FREM1: variants seen among roughly 807,000 people sequenced by gnomAD.
FREM1 encodes FRAS1-related extracellular matrix protein 1.
In FREM1, 220 loss-of-function variants were observed where a neutral mutation model predicts 210.1. The observed-to-expected ratio is 1.05, with a 90% CI of 0.94 to 1.17. The LOEUF is 1.17. Among genes scored for constraint, FREM1 ranks in the 50% most tolerant of loss-of-function variants. The pLI, the probability that FREM1 is intolerant of heterozygous loss-of-function variation, is 0.00. For synonymous variants in FREM1, 1,189 were observed against 980.2 expected, an observed-to-expected ratio of 1.21 and a Z score of -3.98; for missense variants, 3,454 against 2,675.5, an observed-to-expected ratio of 1.29 and a Z score of -6.42.
At chr9:14,904,066 G>A (rs953795267) in intron 1 of FREM1, among the ~76,000 whole-genome samples, 2 of 143,768 alleles carry the variant, frequency 1.4e-5, no homozygotes, top group Admixed American at 7.2e-5. Flanking sequence ...AGCTTGCAGT[G>A]AGCCAAGATC....
intron 36 of FREM1, among the ~76,000 whole-genome samples, chr9:14,739,433 A>G (rs1841034750): frequency 7.9e-6 from 1 of 126,940 alleles, no homozygotes; most frequent in African/African-American, 3.1e-5. Context: ...GAGGTAAGTC[A>G]TTTCTAATTA....
At chr9:14,893,447 G>A (rs902632876) in intron 1 of FREM1, among the ~76,000 whole-genome samples, 8 of 152,170 alleles carry the variant, frequency 5.3e-5, no homozygotes, top group African/African-American at 9.7e-5. Flanking sequence ...TTGTAACCAT[G>A]TGGCCCTGCT....
chr9:14,803,690 C>T (rs992696442), intron 19 of FREM1, among the ~76,000 whole-genome samples: 2 of 152,006 alleles, frequency 1.3e-5, no homozygotes, highest in African/African-American at 4.8e-5. Flanking sequence ...TTCATTTCAC[C>T]CTCTCTTACT....
chr9:14,759,827 G>T lies in FREM1; in HGVS notation c.5279C>A (p.Pro1760His). ...YEVCENVGLL[P>H]LEIIRRGYSM... is the part of the protein sequence containing the mutation. ...ATATCCCCTTCTGATAATTTCCAAG[G>T]GCAACAAACCCACATTCTCACAGAC... Residue 1760 changes from proline (P) to histidine (H), a missense_variant, in exon 28 of 37, where the codon CCC (proline) becomes CAC (histidine). By Grantham distance (77) the Pro-to-His change is moderately conservative. Transcript: ENST00000380880. 2 of 1,612,634 alleles carry T rather than the reference G, an allele frequency of 1.2e-6. No individual in the cohort carries two copies. Among genetic ancestry groups the T allele is most frequent in the Non-Finnish European group, 1.7e-6 (2 of 1,179,144 alleles).
In FREM1 at chr9:14,863,864, C is replaced by A; in HGVS notation, c.274G>T (p.Val92Phe). ...CHFLPNEVKY[V>F]HNGCPILDED... ...TCAAGAATTGGACAACCATTGTGAA[C>A]ATACTTGACTTCGTTGGGAAGGAAA... The change falls in exon 3 of 37, where the codon GTT becomes TTT. Residue 92 changes from valine to phenylalanine, a missense_variant. Transcript: ENST00000380880. 2 of 1,613,382 alleles carry A rather than the reference C, an allele frequency of 1.2e-6. No homozygotes were observed. Among genetic ancestry groups the A allele is most frequent in the Non-Finnish European group, 8.5e-7 (1 of 1,179,372 alleles).
At chr9:14,851,658 A>G in intron 5 of FREM1, 51 bp from the exon 6 acceptor site, 1 of 1,334,880 alleles carries the variant, frequency 7.5e-7, no homozygotes, top group Admixed American at 1.7e-5. Flanking sequence ...GAATGAGGTG[A>G]TATCATACAG....
In FREM1 at chr9:14,868,942, C is replaced by A. The variant is rs774235699; in HGVS notation, c.36G>T (p.Val12=). The part of the protein sequence containing the change: ...NSLSWGAANA[V]LLLLLLAWAS... Reference sequence around the variant, plus strand: ...CCCAGGCCAGGAGGAGCAGCAGCAGCACGGCATTCGCAGCCCCCCAACTCA... The same window carrying A: ...CCCAGGCCAGGAGGAGCAGCAGCAGAACGGCATTCGCAGCCCCCCAACTCA... The change falls in exon 2 of 37, where the codon GTG becomes GTT. Residue 12 remains valine, a synonymous_variant. Coordinates refer to ENST00000380880, the MANE Select transcript of FREM1 (RefSeq NM_001379081.2). 6.3e-7 allele frequency: 1 copy of A among 1,597,228 alleles called. No homozygotes were observed. Among genetic ancestry groups the A allele is most frequent in the Non-Finnish European group, 8.5e-7 (1 of 1,173,576 alleles).
intron 24 of FREM1, among the ~76,000 whole-genome samples, chr9:14,777,252 C>T (rs949079276): frequency 6.6e-6 from 1 of 152,172 alleles, no homozygotes; most frequent in Non-Finnish European, 1.5e-5. Context: ...TCACATTCTA[C>T]CTACTGAAGC....
chr9:14,882,434 C>T (rs778313907), intron 1 of FREM1, among the ~76,000 whole-genome samples: 3 of 150,800 alleles, frequency 2.0e-5, no homozygotes, highest in Non-Finnish European at 4.4e-5. Flanking sequence ...ATTCTAATCC[C>T]GATTATTATT....
chr9:14,845,867 C>G, intron 8 of FREM1, 93 bp downstream of exon 8: 7 of 1,279,506 alleles, frequency 5.5e-6, no homozygotes, highest in Non-Finnish European at 7.7e-6. Flanking sequence ...AGAAATTGGG[C>G]CCAAGAGATG....
At position 14,819,322 on chromosome 9, in the gene FREM1, G is replaced by A. The variant is rs753249073; in HGVS notation, c.2458C>T (p.Pro820Ser). The change falls in exon 14 of 37, where the codon CCT becomes TCT. Residue 820 changes from proline to serine, a missense_variant. Pro to Ser is a moderately conservative substitution (Grantham distance 74). Coordinates refer to ENST00000380880, the MANE Select transcript of FREM1 (RefSeq NM_001379081.2). Reference protein sequence around the residue: ...DNIDLSLRELPLHGRVELNGF... With the variant: ...DNIDLSLRELSLHGRVELNGF... ...TTCAGCTCCACCCTTCCGTGCAGAGGCAATTCCCGCAGGGAGAGGTCAATA... is the reference window on the plus strand; with the variant it reads ...TTCAGCTCCACCCTTCCGTGCAGAGACAATTCCCGCAGGGAGAGGTCAATA... 3 of 1,613,820 alleles carry A rather than the reference G, an allele frequency of 1.9e-6. No individual in the cohort carries two copies. The highest frequency in any genetic ancestry group is 2.5e-6 in the Non-Finnish European group (3 of 1,179,750).
In FREM1 at chr9:14,846,025, TC is replaced by T; in HGVS notation, c.1327del (p.Asp443ThrfsTer8). 1.2e-6 allele frequency: 2 copies of T among 1,611,480 alleles called. No homozygotes were observed. Among genetic ancestry groups the T allele is most frequent in the Non-Finnish European group, 1.7e-6 (2 of 1,178,622 alleles). On this transcript the variant is annotated frameshift_variant, in exon 8 of 37. Coordinates refer to ENST00000380880, the MANE Select transcript of FREM1 (RefSeq NM_001379081.2). LOFTEE classifies it high-confidence loss of function. ...TWEQFQVVDN[D>X]DIGAVRLVTV... ...GACTAGCCGGACAGCACCAATGTCGTCATTGTCGACAACCTGAAACTGTTCC... is the reference window on the plus strand; with the variant it reads ...GACTAGCCGGACAGCACCAATGTCGTATTGTCGACAACCTGAAACTGTTCC...
At chr9:14,825,130 G>A in intron 10 of FREM1, 138 bp from the exon 11 acceptor site, 3 of 593,018 alleles carry the variant, frequency 5.1e-6, no homozygotes, top group Non-Finnish European at 8.5e-6. Context: ...TGATTCAGGA[G>A]CTATTAAGAA....
chr9:14,890,533 C>T (rs753439389), intron 1 of FREM1, among the ~76,000 whole-genome samples: 10 of 151,328 alleles, frequency 6.6e-5, no homozygotes, highest in Non-Finnish European at 1.5e-4. Context: ...TTATGGAAAA[C>T]GTTTTTTGTT....
chr9:14,749,390 G>C (rs1244692441), intron 30 of FREM1, among the ~76,000 whole-genome samples: 1 of 151,640 alleles, frequency 6.6e-6, no homozygotes, highest in East Asian at 1.9e-4. Flanking sequence ...GAGTAGGAAA[G>C]AGAAGAGAAG....
intron 28 of FREM1, among the ~76,000 whole-genome samples, 181 bp downstream of exon 28, chr9:14,759,591 G>C (rs565246764): frequency 2.9e-4 from 44 of 150,406 alleles, no homozygotes; most frequent in African/African-American, 8.3e-4. Flanking sequence ...CAGAGTTTAT[G>C]AACTTAGATG....
chr9:14,831,260 C>T (rs1229680554), intron 10 of FREM1, among the ~76,000 whole-genome samples: 3 of 152,144 alleles, frequency 2.0e-5, no homozygotes, highest in African/African-American at 7.2e-5. Context: ...CTCTTCTTCC[C>T]TTTCTGTCCG....
chr9:14,868,675 C>A, intron 2 of FREM1, 69 bp downstream of exon 2: 1 of 961,112 alleles, frequency 1.0e-6, no homozygotes, highest in Admixed American at 2.0e-5. Flanking sequence ...TGTTCTCTGT[C>A]CCCCCACACA....
chr9:14,770,864 G>A (rs936829767), intron 25 of FREM1, 58 bp from the exon 26 acceptor site: 15 of 1,279,962 alleles, frequency 1.2e-5, no homozygotes, highest in African/African-American at 5.9e-5. Context: ...CCCATGCAAC[G>A]TTGGGCTTTA....
Sources: allele counts gnomAD v4.1 joint callset (sites outside exome capture counted in the v4.1 genomes callset), GRCh38; gene constraint gnomAD v4.1.1; transcripts MANE v1.5; gene names NCBI Gene and HGNC (gene_info 2026-07-23, HGNC 2026-07-21).